The following ZNF490 variants were observed in gnomAD, a reference collection of about 807,000 sequenced individuals.
ZNF490 encodes zinc finger protein 490.
In ZNF490, 11 loss-of-function variants were observed where a neutral mutation model predicts 17.7. The ratio of observed to expected loss-of-function variants is 0.62; its 90% confidence interval spans 0.39 to 1.03. The LOEUF is 1.03. Among genes scored for constraint, ZNF490 ranks in the 50% least tolerant of loss-of-function variants. The pLI is 0.00. For synonymous variants in ZNF490, 222 were observed against 216.1 expected (o/e 1.03, Z -0.24); for missense variants, 542 against 643.4 (o/e 0.84, Z 1.71).
Position 12,610,803 on chromosome 19 carries a change from G to T in ZNF490, c.-123C>A, listed in dbSNP as rs2023141680. ...CCAGTTCCGTCCCACCGGCGGAAGC[G>T]AGATCTGCCTAGCTACTAGACCTGC... On this transcript the variant is annotated 5_prime_UTR_variant, in exon 1 of 5. Transcript: ENST00000311437. 1 of 1,019,694 alleles carries T rather than the reference G, an allele frequency of 9.8e-7. No individual in the cohort carries two copies. The highest frequency in any genetic ancestry group is 1.5e-6 in the Non-Finnish European group (1 of 664,230). 63.2% of individuals were successfully genotyped at this position (1,019,694 alleles called of 1,614,324 possible).
rs914561805 is a variant in ZNF490, at chr19:12,576,809, A to T, written c.*3676T>A. 4.4e-5 allele frequency among the ~76,000 whole-genome samples: 6 copies of T among 135,126 alleles called. No individual in the cohort carries two copies. The highest frequency in any genetic ancestry group is 7.8e-5 in the Non-Finnish European group (5 of 64,212). 88.6% of individuals were successfully genotyped at this position (135,126 alleles called of 152,430 possible). A position where few individuals can be genotyped will look rare whatever the true frequency, so the allele number is the denominator to read the frequency against. On this transcript the variant is annotated 3_prime_UTR_variant, in exon 5 of 5. Transcript: ENST00000311437. ...TCCAGCCTGGCAACAGTGAGAATCC[A>T]TCTCAAAAAAAAAAAAAAAAAAAAA...
chr19:12,577,211 C>A lies in ZNF490; in HGVS notation c.*3274G>T, dbSNP rs2022653610. On this transcript the variant is annotated 3_prime_UTR_variant, in exon 5 of 5. Transcript: ENST00000311437. ...TACTTACTGAATATTAGGACTCACA[C>A]AGACACATACACAAAAGGGTTTTAC... Among the ~76,000 whole-genome samples, 1 of 152,172 alleles carries A rather than the reference C, an allele frequency of 6.6e-6. No homozygotes were observed. The highest frequency in any genetic ancestry group is 2.1e-4 in the South Asian group (1 of 4,828).
At position 12,581,595 on chromosome 19, in the gene ZNF490, C is replaced by T; in HGVS notation, c.480G>A (p.Val160=). 2 of 1,614,192 alleles carry T rather than the reference C, an allele frequency of 1.2e-6. No individual in the cohort carries two copies. ...CCTGATGCATGAAGACTTCCCCACA[C>T]ACACTGCAGTCACATGGTTTTAATC... ...PTGLKPCDCS[V]CGEVFMHQVS... Residue 160 remains valine (V), a synonymous_variant, in exon 5 of 5, where the codon GTG becomes GTA. Transcript: ENST00000311437.
At chr19:12,596,488 T>C (rs1864083) in intron 2 of ZNF490, among the ~76,000 whole-genome samples, 77,625 of 151,814 alleles carry the variant, frequency 0.51, 22,322 homozygotes, top group Non-Finnish European at 0.66. Flanking sequence ...AAGACTAGCA[T>C]GAGCAACACA....
At chr19:12,592,902 C>A (rs2022889308) in intron 2 of ZNF490, among the ~76,000 whole-genome samples, 1 of 152,210 alleles carries the variant, frequency 6.6e-6, no homozygotes, top group South Asian at 2.1e-4. Flanking sequence ...ACGATGAGGA[C>A]AGGCTAATGA....
rs951611698 is a variant in ZNF490, at chr19:12,580,278, C to A, written c.*207G>T. ...CTTTTCTGTCCATGGAGTCCATTCA[C>A]ATATCTGCAATCCCGCAGGAGAGTG... On this transcript the variant is annotated 3_prime_UTR_variant, in exon 5 of 5. Coordinates refer to ENST00000311437, the MANE Select transcript of ZNF490 (RefSeq NM_020714.3). The A allele has an allele frequency of 1.8e-5, 24 of 1,350,008 alleles. No homozygotes were observed. Among genetic ancestry groups the A allele is most frequent in the Non-Finnish European group, 2.3e-5 (24 of 1,053,864 alleles). The allele number at this position is 1,350,008 out of a possible 1,614,324, so 83.6% of individuals were successfully genotyped here. A position where few individuals can be genotyped will look rare whatever the true frequency, so the allele number is the denominator to read the frequency against.
At chr19:12,607,779 C>G (rs1343129449) in intron 2 of ZNF490, among the ~76,000 whole-genome samples, 3 of 151,712 alleles carry the variant, frequency 2.0e-5, no homozygotes, top group Non-Finnish European at 4.4e-5. Flanking sequence ...ATAGCATCTG[C>G]AGACAGAGAA....
At chr19:12,584,392 G>A (rs2022790579) in intron 2 of ZNF490, among the ~76,000 whole-genome samples, 1 of 91,346 alleles carries the variant, frequency 1.1e-5, no homozygotes, top group African/African-American at 3.3e-5. Context: ...TCCTGACCTC[G>A]TGAATCGCCC....
chr19:12,581,622 A>G lies in ZNF490; in HGVS notation c.453T>C (p.Thr151=). 2.5e-6 allele frequency: 4 copies of G among 1,614,206 alleles called. No homozygotes were observed. The highest frequency in any genetic ancestry group is 3.4e-6 in the Non-Finnish European group (4 of 1,180,030). Residue 151 remains threonine (T), a synonymous_variant, in exon 5 of 5, where the codon ACT becomes ACC. Transcript: ENST00000311437. ...CACTGCAGTCACATGGTTTTAATCC[A>G]GTAGGAGTTTCCAGGTTCGTATTAA... ...PDLNTNLETP[T]GLKPCDCSVC... is the part of the protein sequence containing the mutation.
At chr19:12,593,227 G>A (rs1027596719) in intron 2 of ZNF490, among the ~76,000 whole-genome samples, 1 of 151,650 alleles carries the variant, frequency 6.6e-6, no homozygotes, top group Admixed American at 6.6e-5. Flanking sequence ...GGTAAAAAAA[G>A]ATTCCCAGAG....
rs569327977 is a variant in ZNF490, at chr19:12,577,924, G to A, written c.*2561C>T. 2.5e-4 allele frequency: 250 copies of A among 985,416 alleles called. 3 individuals carry two copies. In the South Asian group the frequency reaches 9.4e-3, roughly 37 times the overall value. 61.0% of individuals were successfully genotyped at this position (985,416 alleles called of 1,614,324 possible). ...ACAAAGGACAGACCCGACCCCTATCGTGCCTATGCAATTCAGAAAACGGAG... is the reference window on the plus strand; with the variant it reads ...ACAAAGGACAGACCCGACCCCTATCATGCCTATGCAATTCAGAAAACGGAG... On this transcript the variant is annotated 3_prime_UTR_variant, in exon 5 of 5. Coordinates refer to ENST00000311437, the MANE Select transcript of ZNF490 (RefSeq NM_020714.3).
At chr19:12,597,048 G>A in intron 2 of ZNF490, 2 of 450,990 alleles carry the variant, frequency 4.4e-6, no homozygotes, top group South Asian at 3.1e-5. Context: ...GCTGCTGGGA[G>A]ACCCTCGGGT....
chr19:12,609,478 T>A (rs533602646), intron 1 of ZNF490, among the ~76,000 whole-genome samples: 4 of 152,264 alleles, frequency 2.6e-5, no homozygotes, highest in African/African-American at 9.6e-5. Flanking sequence ...AACCTCAAAC[T>A]CTTAGCCTTG....
rs577130607 is a variant in ZNF490, at chr19:12,578,915, C to T, written c.*1570G>A. 1 of 985,458 alleles carries T rather than the reference C, an allele frequency of 1.0e-6. No homozygotes were observed. The highest frequency in any genetic ancestry group is 1.7e-5 in the African/African-American group (1 of 57,360). 61.0% of individuals were successfully genotyped at this position (985,458 alleles called of 1,614,324 possible). A position where few individuals can be genotyped will look rare whatever the true frequency, so the allele number is the denominator to read the frequency against. ...ATTGAAGATGTTCCCATATTGCTTA[C>T]ATTTAAGAAGGTGGCTCTCCAGTGT... On this transcript the variant is annotated 3_prime_UTR_variant, in exon 5 of 5. Transcript: ENST00000311437.
Position 12,581,546 on chromosome 19 carries a change from A to G in ZNF490, c.529T>C (p.Ser177Pro). 2 of 1,614,042 alleles carry G rather than the reference A, an allele frequency of 1.2e-6. No individual in the cohort carries two copies. Among genetic ancestry groups the G allele is most frequent in the East Asian group, 4.5e-5 (2 of 44,878 alleles). The change falls in exon 5 of 5, where the codon TCT becomes CCT. Residue 177 changes from serine (S) to proline (P), a missense_variant. Physicochemically the swap from Ser to Pro is moderately conservative, Grantham distance 74. Coordinates refer to ENST00000311437, the MANE Select transcript of ZNF490 (RefSeq NM_020714.3). ...TCATTTGGTTTCTGTTCAGTGTGAG[A>G]TCTCATGTGCCTATTAAGGGAGACC... ...HQVSLNRHMR[S>P]HTEQKPNECH...
chr19:12,578,339 T>C lies in ZNF490; in HGVS notation c.*2146A>G. 6 of 985,654 alleles carry C rather than the reference T, an allele frequency of 6.1e-6. No individual in the cohort carries two copies. The highest frequency in any genetic ancestry group is 6.0e-6 in the Non-Finnish European group (5 of 830,046). The allele number at this position is 985,654 out of a possible 1,614,324, so 61.1% of individuals were successfully genotyped here. A position where few individuals can be genotyped will look rare whatever the true frequency, so the allele number is the denominator to read the frequency against. ...GACTCCACTAGCAGTTTTGAGATTA[T>C]TCTGACTGTGGTGGTTGGTGCAGGG... On this transcript the variant is annotated 3_prime_UTR_variant, in exon 5 of 5. Transcript: ENST00000311437.
At chr19:12,609,301 C>CT in intron 1 of ZNF490, 99 bp from the exon 2 acceptor site, 1 of 980,810 alleles carries the variant, frequency 1.0e-6, no homozygotes. Context: ...CTGCATCTAC[C>CT]TGTACACACA....
At chr19:12,589,005 A>G (rs2022834931) in intron 2 of ZNF490, among the ~76,000 whole-genome samples, 1 of 152,192 alleles carries the variant, frequency 6.6e-6, no homozygotes, top group African/African-American at 2.4e-5. Flanking sequence ...TCTGTAATCA[A>G]TAATCTCAGT....
At chr19:12,607,836 G>A (rs539453167) in intron 2 of ZNF490, among the ~76,000 whole-genome samples, 126 of 152,128 alleles carry the variant, frequency 8.3e-4, no homozygotes, top group Admixed American at 1.4e-3. Context: ...TCCCCATTTC[G>A]GGTTTTGGTA....
Sources: gnomAD v4.1 joint callset for allele counts (sites outside exome capture counted in the v4.1 genomes callset) on GRCh38, gnomAD v4.1.1 for gene constraint, MANE v1.5 for transcripts, NCBI Gene and HGNC (gene_info 2026-07-23, HGNC 2026-07-21) for gene names.